TRIQK: variants seen among roughly 807,000 people sequenced by gnomAD.
The protein encoded by TRIQK is triple QxxK/R motif-containing protein.
Under a neutral mutation model 10.8 loss-of-function variants are expected in TRIQK, and 10 were observed. The ratio of observed to expected loss-of-function variants is 0.92; its 90% CI spans 0.57 to 1.57. The LOEUF is 1.57. Among genes scored for constraint, TRIQK ranks in the 40% most tolerant of loss-of-function variants. TRIQK has a pLI of 0.00. For missense variants in TRIQK, 107 were observed against 97.7 expected, an observed-to-expected ratio of 1.09 and a Z score of -0.40; for synonymous variants, 33 against 33.7, an observed-to-expected ratio of 0.98 and a Z score of 0.07.
intron 4 of TRIQK, among the ~76,000 whole-genome samples, chr8:92,888,047 G>A (rs1312249060): frequency 6.6e-6 from 1 of 151,590 alleles, no homozygotes; most frequent in Non-Finnish European, 1.5e-5. Context: ...GGCAGCATCA[G>A]ACAGGTTTCA....
intron 1 of TRIQK, among the ~76,000 whole-genome samples, chr8:92,996,831 G>T (rs563300886): frequency 9.6e-4 from 146 of 151,800 alleles, no homozygotes; most frequent in African/African-American, 3.3e-3. Flanking sequence ...TAAGACTATC[G>T]CAGATATTGA....
At chr8:92,959,454 G>T (rs1812336420) in intron 1 of TRIQK, among the ~76,000 whole-genome samples, 1 of 148,542 alleles carries the variant, frequency 6.7e-6, no homozygotes, top group Non-Finnish European at 1.5e-5. Flanking sequence ...TAAAGTCTGG[G>T]GTATACCATC....
intron 2 of TRIQK, among the ~76,000 whole-genome samples, chr8:92,951,776 G>C (rs1290328882): frequency 6.6e-6 from 1 of 152,072 alleles, no homozygotes; most frequent in Non-Finnish European, 1.5e-5. Context: ...TACTGTCAGA[G>C]CCTAACTGAT....
chr8:92,901,762 A>G (rs781748382), intron 3 of TRIQK, among the ~76,000 whole-genome samples: 2 of 152,116 alleles, frequency 1.3e-5, no homozygotes, highest in Non-Finnish European at 2.9e-5. Context: ...GCCTTGTAAA[A>G]TGAGTTTGAA....
intron 1 of TRIQK, chr8:92,963,812 G>C (rs1812579684): frequency 6.6e-6 from 1 of 151,220 alleles, no homozygotes; most frequent in South Asian, 2.1e-4. Flanking sequence ...AGAATTGCTT[G>C]AACCAGGAAG....
In TRIQK at chr8:92,884,823, T is replaced by C. The variant is rs1440444460; in HGVS notation, c.*1799A>G. ...GAACGGGAAATAACTAAATGAAAAT[T>C]GTTCACGTAAATGTGATGGGAGTGG... On this transcript the variant is annotated 3_prime_UTR_variant, in exon 5 of 5. Transcript: ENST00000521988. 2 of 455,524 alleles carry C rather than the reference T, an allele frequency of 4.4e-6. No individual in the cohort carries two copies. The highest frequency in any genetic ancestry group is 8.8e-6 in the Non-Finnish European group (2 of 226,520). 28.2% of individuals were successfully genotyped at this position (455,524 alleles called of 1,614,324 possible).
intron 1 of TRIQK, among the ~76,000 whole-genome samples, chr8:93,013,166 C>T (rs765147173): frequency 6.6e-6 from 1 of 152,138 alleles, no homozygotes; most frequent in African/African-American, 2.4e-5. Context: ...TTAGACGAGA[C>T]GGCAATGCAC....
At chr8:92,959,859 C>T (rs1438248771) in intron 1 of TRIQK, among the ~76,000 whole-genome samples, 1 of 152,022 alleles carries the variant, frequency 6.6e-6, no homozygotes, top group East Asian at 1.9e-4. Context: ...TTTTCTGTTG[C>T]CATCACACAA....
intron 2 of TRIQK, among the ~76,000 whole-genome samples, chr8:92,942,477 G>A (rs1811317716): frequency 6.6e-6 from 1 of 152,088 alleles, no homozygotes; most frequent in African/African-American, 2.4e-5. Context: ...TCTAAGATCT[G>A]GAGCAAGACA....
intron 3 of TRIQK, among the ~76,000 whole-genome samples, chr8:92,897,948 C>A (rs1415952090): frequency 1.3e-5 from 2 of 151,998 alleles, no homozygotes; most frequent in Non-Finnish European, 1.5e-5. Flanking sequence ...TTCCTCACAT[C>A]TTTAATGGGC....
intron 4 of TRIQK, among the ~76,000 whole-genome samples, 178 bp downstream of exon 4, chr8:92,891,811 A>G (rs1004071092): frequency 6.6e-6 from 1 of 152,046 alleles, no homozygotes; most frequent in Middle Eastern, 3.4e-3. Context: ...TCAAAATCTC[A>G]GAATAGGAAG....
chr8:92,899,848 T>C (rs1586383154), intron 3 of TRIQK, among the ~76,000 whole-genome samples: 1 of 152,210 alleles, frequency 6.6e-6, no homozygotes, highest in African/African-American at 2.4e-5. Flanking sequence ...ATAGTGGTTG[T>C]ACTAATTTAC....
rs370553916 is a variant in TRIQK at position 92,907,394 on chromosome 8, T to G, written c.61+9535A>C. On this transcript the variant is annotated intron_variant, in intron 3 of 4. Transcript: ENST00000521988. Reference sequence around the variant, plus strand: ...TGTATAGCTACCAATTCAAGCAAATTTAACAAACCAAACTAGTTCTTCTCT... The same window carrying G: ...TGTATAGCTACCAATTCAAGCAAATGTAACAAACCAAACTAGTTCTTCTCT... 8.5e-5 allele frequency among the ~76,000 whole-genome samples: 13 copies of G among 152,296 alleles called. No individual in the cohort carries two copies. The East Asian group carries it at 2.5e-3, about 29-fold the overall frequency.
chr8:92,885,799 G>A lies in TRIQK; in HGVS notation c.*823C>T, dbSNP rs1816446027. 1 of 151,624 alleles carries A rather than the reference G, an allele frequency of 6.6e-6. No homozygotes were observed. Among genetic ancestry groups the A allele is most frequent in the Non-Finnish European group, 1.5e-5 (1 of 67,788 alleles). The allele number at this position is 151,624 out of a possible 1,614,324, so 9.4% of individuals were successfully genotyped here. A position where few individuals can be genotyped will look rare whatever the true frequency, so the allele number is the denominator to read the frequency against. Reference sequence around the variant, plus strand: ...AGTAGGTAGGATTTTTGCTATTACTGTTATGTGAAAAAGACTGCTCAATTA... The same window carrying A: ...AGTAGGTAGGATTTTTGCTATTACTATTATGTGAAAAAGACTGCTCAATTA... On this transcript the variant is annotated 3_prime_UTR_variant, in exon 5 of 5. Transcript: ENST00000521988.
At chr8:92,934,328 G>A (rs1044607070) in intron 2 of TRIQK, among the ~76,000 whole-genome samples, 3 of 151,926 alleles carry the variant, frequency 2.0e-5, no homozygotes, top group Non-Finnish European at 4.4e-5. Flanking sequence ...ATAAGCATAT[G>A]TATCAGGCTA....
intron 2 of TRIQK, among the ~76,000 whole-genome samples, chr8:92,947,804 A>C (rs1811634117): frequency 6.6e-6 from 1 of 152,158 alleles, no homozygotes; most frequent in African/African-American, 2.4e-5. Context: ...AGCAGTCCAG[A>C]GGGTTATACT....
At chr8:92,896,400 GT>G (rs1260701595) in intron 3 of TRIQK, among the ~76,000 whole-genome samples, 2 of 152,210 alleles carry the variant, frequency 1.3e-5, no homozygotes, top group African/African-American at 4.8e-5. Flanking sequence ...GCAGAAACTT[GT>G]TGCAGGGATG....
intron 1 of TRIQK, among the ~76,000 whole-genome samples, chr8:93,002,035 T>A (rs1435498810): frequency 6.6e-6 from 1 of 151,658 alleles, no homozygotes; most frequent in Non-Finnish European, 1.5e-5. Context: ...AAGGAGTCAA[T>A]GAAGAAATTC....
At chr8:92,937,151 T>TCTA (rs1190243196) in intron 2 of TRIQK, among the ~76,000 whole-genome samples, 2 of 151,812 alleles carry the variant, frequency 1.3e-5, no homozygotes, top group East Asian at 3.9e-4. Context: ...AAAATAAAAC[T>TCTA]CTGTATGTCT....
Sources: gnomAD v4.1 joint callset for allele counts (sites outside exome capture counted in the v4.1 genomes callset) on GRCh38, gnomAD v4.1.1 for gene constraint, MANE v1.5 for transcripts, NCBI Gene and HGNC (gene_info 2026-07-23, HGNC 2026-07-21) for gene names.